Variants in NR3C2 observed in about 807,000 individuals in gnomAD.
NR3C2 encodes nuclear receptor subfamily 3 group C member 2.
In NR3C2, 15 loss-of-function variants were observed where a neutral mutation model predicts 86.4. The observed-to-expected ratio is 0.17, with a 90% CI of 0.12 to 0.27. The LOEUF (loss-of-function observed/expected upper bound fraction) is 0.27, where lower values mean the gene tolerates loss of function less well. NR3C2 is among the 10% of genes least tolerant of loss of function. The probability of loss-of-function intolerance (pLI) is 1.00; values close to 1 mark genes in which losing one functional copy is unlikely to be tolerated. For missense variants in NR3C2, 960 were observed against 1,195.6 expected, an observed-to-expected ratio of 0.80 and a Z score of 2.91; for synonymous variants, 458 against 450.5, an observed-to-expected ratio of 1.02 and a Z score of -0.21.
At chr4:148,194,081 A>G (rs1340986261) in intron 4 of NR3C2, among the ~76,000 whole-genome samples, 1 of 152,252 alleles carries the variant, frequency 6.6e-6, no homozygotes, top group African/African-American at 2.4e-5. Context: ...CCTATCTGGT[A>G]GAGCTAGTTC....
At chr4:148,413,692 G>A (rs1206536675) in intron 2 of NR3C2, among the ~76,000 whole-genome samples, 1 of 152,062 alleles carries the variant, frequency 6.6e-6, no homozygotes, top group Non-Finnish European at 1.5e-5. Context: ...ATTTATAGAA[G>A]AGGAAACTCA....
chr4:148,396,610 C>G (rs1747873308), intron 2 of NR3C2, among the ~76,000 whole-genome samples: 1 of 152,152 alleles, frequency 6.6e-6, no homozygotes, highest in Non-Finnish European at 1.5e-5. Context: ...CATACCATGA[C>G]TTGGGATGTT....
In NR3C2 at chr4:148,079,919, A is replaced by C. The variant is rs1730464471; in HGVS notation, c.*1425T>G. 6.6e-6 allele frequency: 1 copy of C among 152,274 alleles called. No individual in the cohort carries two copies. The allele number at this position is 152,274 out of a possible 1,614,324, so 9.4% of individuals were successfully genotyped here. ...TTCCAGGAGTGCAGAACCTCTTTCCAAGATCAGAAGGGAATAGCTGATCTT... is the reference window on the plus strand; with the variant it reads ...TTCCAGGAGTGCAGAACCTCTTTCCCAGATCAGAAGGGAATAGCTGATCTT... On this transcript the variant is annotated 3_prime_UTR_variant, in exon 9 of 9. Transcript: ENST00000358102.
At chr4:148,117,348 G>A (rs775675198) in intron 7 of NR3C2, among the ~76,000 whole-genome samples, 8 of 152,160 alleles carry the variant, frequency 5.3e-5, no homozygotes, top group Non-Finnish European at 1.0e-4. Flanking sequence ...CCTCTGCTAT[G>A]GAGTCTGCGA....
intron 2 of NR3C2, among the ~76,000 whole-genome samples, chr4:148,395,131 C>A (rs188455135): frequency 2.4e-4 from 36 of 151,864 alleles, no homozygotes; most frequent in African/African-American, 8.7e-4. Flanking sequence ...CTTAAATACA[C>A]ACGTGTGTGT....
At chr4:148,198,848 A>G (rs1267797023) in intron 3 of NR3C2, among the ~76,000 whole-genome samples, 1 of 151,922 alleles carries the variant, frequency 6.6e-6, no homozygotes, top group Admixed American at 6.6e-5. Context: ...TGGGAGGCCG[A>G]GGTGGGTGGA....
chr4:148,327,262 C>CTA (rs1744017698), intron 2 of NR3C2, among the ~76,000 whole-genome samples: 1 of 152,066 alleles, frequency 6.6e-6, no homozygotes, highest in African/African-American at 2.4e-5. Context: ...AAAAAGAAAC[C>CTA]TATATTATGT....
At chr4:148,182,707 C>G (rs569099928) in intron 4 of NR3C2, among the ~76,000 whole-genome samples, 1 of 152,354 alleles carries the variant, frequency 6.6e-6, no homozygotes, top group African/African-American at 2.4e-5. Context: ...AGCTGAGCCA[C>G]TTTGCCTACA....
At chr4:148,379,639 G>A (rs926947374) in intron 2 of NR3C2, among the ~76,000 whole-genome samples, 1 of 152,186 alleles carries the variant, frequency 6.6e-6, no homozygotes, top group African/African-American at 2.4e-5. Context: ...ATTTTGAAAT[G>A]AGAGAAAAAC....
chr4:148,264,575 C>T (rs1198789213), intron 2 of NR3C2, among the ~76,000 whole-genome samples: 2 of 152,194 alleles, frequency 1.3e-5, no homozygotes, highest in African/African-American at 4.8e-5. Flanking sequence ...GAGGCCTGGG[C>T]TCTAGTTCTA....
At chr4:148,092,057 T>C (rs1446656719) in intron 8 of NR3C2, among the ~76,000 whole-genome samples, 1 of 152,154 alleles carries the variant, frequency 6.6e-6, no homozygotes, top group East Asian at 1.9e-4. Context: ...GGCACAGCTC[T>C]CCCGGGGATG....
intron 2 of NR3C2, among the ~76,000 whole-genome samples, chr4:148,371,532 C>T (rs1378810677): frequency 6.6e-6 from 1 of 151,914 alleles, no homozygotes; most frequent in African/African-American, 2.4e-5. Flanking sequence ...TAACCATATC[C>T]CATGTTATTG....
chr4:148,104,073 G>A (rs1169873176), intron 8 of NR3C2, among the ~76,000 whole-genome samples: 2 of 152,160 alleles, frequency 1.3e-5, no homozygotes, highest in Non-Finnish European at 2.9e-5. Context: ...TTCTGAACTA[G>A]GCTATCCTTG....
At chr4:148,357,932 A>G (rs1386691759) in intron 2 of NR3C2, among the ~76,000 whole-genome samples, 1 of 152,188 alleles carries the variant, frequency 6.6e-6, no homozygotes, top group African/African-American at 2.4e-5. Flanking sequence ...AAATACAAAT[A>G]TCTTTAAATT....
chr4:148,326,400 CAAATAAAT>C (rs992801653), intron 2 of NR3C2, among the ~76,000 whole-genome samples: 1 of 151,274 alleles, frequency 6.6e-6, no homozygotes, highest in Non-Finnish European at 1.5e-5. Flanking sequence ...GACTCCATCT[CAAATAAAT>C]AAATAAATAA....
At chr4:148,386,651 T>C (rs955434938) in intron 2 of NR3C2, among the ~76,000 whole-genome samples, 4 of 152,180 alleles carry the variant, frequency 2.6e-5, no homozygotes, top group African/African-American at 9.6e-5. Flanking sequence ...AGTCAGATAT[T>C]GGCAGATCTA....
At chr4:148,340,701 G>T (rs533992970) in intron 2 of NR3C2, among the ~76,000 whole-genome samples, 2 of 151,976 alleles carry the variant, frequency 1.3e-5, no homozygotes, top group East Asian at 1.9e-4. Context: ...CCCACATAAA[G>T]GGTTTTTTGC....
At chr4:148,423,277 T>C (rs991478993) in intron 2 of NR3C2, among the ~76,000 whole-genome samples, 3 of 152,180 alleles carry the variant, frequency 2.0e-5, no homozygotes, top group Admixed American at 6.5e-5. Flanking sequence ...CAAAACTTCA[T>C]TTCAGCATTC....
At chr4:148,227,219 GA>G (rs1738221159) in intron 3 of NR3C2, among the ~76,000 whole-genome samples, 1 of 152,068 alleles carries the variant, frequency 6.6e-6, no homozygotes, top group Admixed American at 6.5e-5. Flanking sequence ...TGACACTTTT[GA>G]AAAATACTGG....
Sources: allele counts gnomAD v4.1 joint callset (sites outside exome capture counted in the v4.1 genomes callset), GRCh38; gene constraint gnomAD v4.1.1; transcripts MANE v1.5; gene names NCBI Gene and HGNC (gene_info 2026-07-23, HGNC 2026-07-21).